Variants in HDAC4 observed in about 807,000 individuals in gnomAD.
HDAC4 encodes histone deacetylase A.
HDAC4 carries 16 observed loss-of-function variants against 135.1 expected under a neutral mutation model. The ratio of observed to expected loss-of-function variants is 0.12; its 90% CI spans 0.08 to 0.18. The LOEUF (loss-of-function observed/expected upper bound fraction) is 0.18, where lower values mean the gene tolerates loss of function less well. Ranked by LOEUF, HDAC4 falls within the 10% of genes least tolerant of loss-of-function variation. The pLI is 1.00. For synonymous variants in HDAC4, 685 were observed against 653.4 expected, an observed-to-expected ratio of 1.05 and a Z score of -0.74; for missense variants, 1,143 against 1,511.8, an observed-to-expected ratio of 0.76 and a Z score of 4.05.
intron 2 of HDAC4, among the ~76,000 whole-genome samples, chr2:239,305,004 C>A (rs1575660165): frequency 6.6e-6 from 1 of 152,324 alleles, no homozygotes; most frequent in East Asian, 1.9e-4. Context: ...CCCGCGCTTT[C>A]TTCCAGCCGG....
chr2:239,166,983 T>C (rs2043154767), intron 5 of HDAC4, among the ~76,000 whole-genome samples: 1 of 152,134 alleles, frequency 6.6e-6, no homozygotes, highest in Non-Finnish European at 1.5e-5. Context: ...AGGGAAGTAG[T>C]CCAACCGCAA....
intron 2 of HDAC4, chr2:239,298,217 T>C: frequency 7.8e-7 from 1 of 1,289,714 alleles, no homozygotes; most frequent in Non-Finnish European, 1.0e-6. Context: ...CGTCTCGGTA[T>C]TCCGGAAGCA....
intron 2 of HDAC4, among the ~76,000 whole-genome samples, chr2:239,269,421 G>C (rs890339756): frequency 6.6e-6 from 1 of 152,240 alleles, no homozygotes. Context: ...GAAGGGTGGG[G>C]TCTGACTTCC....
intron 8 of HDAC4, among the ~76,000 whole-genome samples, chr2:239,142,696 C>A (rs557765219): frequency 4.6e-4 from 70 of 151,460 alleles, no homozygotes; most frequent in Admixed American, 7.9e-4. Flanking sequence ...ACTGATCATG[C>A]CCTGTCACAC....
intron 1 of HDAC4, among the ~76,000 whole-genome samples, chr2:239,399,766 C>G (rs540949877): frequency 6.6e-6 from 1 of 152,188 alleles, no homozygotes; most frequent in African/African-American, 2.4e-5. Context: ...CAGAACTGCT[C>G]TCAGCAAGCA....
intron 3 of HDAC4, among the ~76,000 whole-genome samples, chr2:239,192,686 G>A (rs1450409495): frequency 4.6e-5 from 7 of 152,148 alleles, no homozygotes; most frequent in South Asian, 2.1e-4. Flanking sequence ...TCCCTCTTCC[G>A]CGTTCATGGC....
chr2:239,205,335 C>CA (rs1471107364), intron 3 of HDAC4, among the ~76,000 whole-genome samples: 1 of 152,094 alleles, frequency 6.6e-6, no homozygotes, highest in Non-Finnish European at 1.5e-5. Context: ...ACCGCTGAGA[C>CA]AGAGTTCAGA....
intron 14 of HDAC4, among the ~76,000 whole-genome samples, chr2:239,109,674 A>G (rs2038491378): frequency 6.6e-6 from 1 of 151,900 alleles, no homozygotes; most frequent in Admixed American, 6.5e-5. Flanking sequence ...TAGGACTCAC[A>G]ATCAGTACAC....
intron 3 of HDAC4, among the ~76,000 whole-genome samples, chr2:239,214,306 G>A (rs945083682): frequency 6.6e-6 from 1 of 152,150 alleles, no homozygotes; most frequent in Non-Finnish European, 1.5e-5. Context: ...CACTCTGTCT[G>A]CATACCTCCT....
intron 4 of HDAC4, among the ~76,000 whole-genome samples, chr2:239,182,631 T>C (rs926385030): frequency 5.3e-5 from 8 of 152,100 alleles, no homozygotes; most frequent in Non-Finnish European, 1.2e-4. Flanking sequence ...TTCCACCTTA[T>C]TAGATTTATA....
intron 3 of HDAC4, among the ~76,000 whole-genome samples, chr2:239,197,640 G>GT (rs1165455597): frequency 6.6e-6 from 1 of 152,136 alleles, no homozygotes; most frequent in Admixed American, 6.5e-5. Flanking sequence ...GCTTCTTCAT[G>GT]TGTGATTTCC....
At chr2:239,277,876 G>A (rs67050647) in intron 2 of HDAC4, among the ~76,000 whole-genome samples, 31,595 of 150,330 alleles carry the variant, frequency 0.21, 3,431 homozygotes, top group Non-Finnish European at 0.22. Flanking sequence ...AATACTCTCC[G>A]CTCAGCAGGC....
intron 2 of HDAC4, among the ~76,000 whole-genome samples, chr2:239,290,581 GCACA>G (rs59261643): frequency 2.9e-4 from 44 of 150,718 alleles, no homozygotes; most frequent in African/African-American, 4.4e-4. Flanking sequence ...ATGGGAGTAG[GCACA>G]CACACACACA....
chr2:239,194,156 G>A (rs954623440), intron 3 of HDAC4, among the ~76,000 whole-genome samples: 4 of 152,196 alleles, frequency 2.6e-5, no homozygotes, highest in African/African-American at 9.7e-5. Context: ...TGCCAAGGAG[G>A]ACAGGCAGCG....
intron 5 of HDAC4, among the ~76,000 whole-genome samples, chr2:239,166,540 G>A (rs145182430): frequency 0.016 from 2,422 of 152,242 alleles, 54 homozygotes; most frequent in African/African-American, 0.055. Context: ...CGTTAGACTC[G>A]AACATCACTT....
At chr2:239,360,697 G>C (rs1693809022) in intron 1 of HDAC4, among the ~76,000 whole-genome samples, 1 of 151,734 alleles carries the variant, frequency 6.6e-6, no homozygotes, top group African/African-American at 2.4e-5. Flanking sequence ...GGACGCCCGA[G>C]CTCTACCTGG....
intron 3 of HDAC4, among the ~76,000 whole-genome samples, chr2:239,202,230 G>T (rs1025754469): frequency 3.9e-5 from 6 of 152,230 alleles, no homozygotes; most frequent in African/African-American, 1.4e-4. Context: ...GCAGTCTCCA[G>T]TACCAGACTG....
At chr2:239,182,947 G>A (rs565087268) in intron 4 of HDAC4, among the ~76,000 whole-genome samples, 21 of 152,270 alleles carry the variant, frequency 1.4e-4, no homozygotes, top group Middle Eastern at 6.8e-3. Flanking sequence ...TTCAGGCTTC[G>A]AAAAACAGGA....
intron 5 of HDAC4, among the ~76,000 whole-genome samples, chr2:239,175,816 T>C (rs2043726402): frequency 6.6e-6 from 1 of 152,238 alleles, no homozygotes; most frequent in South Asian, 2.1e-4. Context: ...TTAGGAATCC[T>C]GCCAAATAGT....
Sources: allele counts gnomAD v4.1 joint callset (sites outside exome capture counted in the v4.1 genomes callset), GRCh38; gene constraint gnomAD v4.1.1; transcripts MANE v1.5; gene names NCBI Gene and HGNC (gene_info 2026-07-23, HGNC 2026-07-21).